Variants in CDIPT observed in about 807,000 individuals in gnomAD.
CDIPT encodes PI synthase.
A neutral mutation model predicts 21.6 loss-of-function variants in CDIPT; 17 were observed. The ratio of observed to expected loss-of-function variants is 0.79; its 90% CI spans 0.54 to 1.18. The LOEUF is 1.18. Ranked by LOEUF, CDIPT falls within the 50% of genes most tolerant of loss-of-function variation. CDIPT has a pLI of 0.00. For missense variants in CDIPT, 254 were observed against 284.9 expected (o/e 0.89, Z 0.78); for synonymous variants, 119 against 117.9 (o/e 1.01, Z -0.06).
intron 2 of CDIPT, among the ~76,000 whole-genome samples, chr16:29,861,963 A>C (rs960872427): frequency 4.2e-4 from 64 of 151,672 alleles, no homozygotes; most frequent in African/African-American, 1.4e-3. Context: ...GAACTCCTGA[A>C]CTCGTGATCC....
chr16:29,860,449 G>A (rs777971749), intron 4 of CDIPT, 132 bp downstream of exon 4: 62 of 643,802 alleles, frequency 9.6e-5, no homozygotes, highest in Non-Finnish European at 1.4e-4. Context: ...CTCAGCTTAC[G>A]GGCCCTCCTC....
chr16:29,861,995 T>G (rs2067687253), intron 2 of CDIPT, among the ~76,000 whole-genome samples: 1 of 152,110 alleles, frequency 6.6e-6, no homozygotes, highest in South Asian at 2.1e-4. Context: ...CCTCCCAAAG[T>G]GCTGGGATTA....
rs2067688948 is a variant in CDIPT, at chr16:29,862,195, G to A, written c.178+391C>T. The stretch of plus-strand genomic sequence containing the variant: ...GGCGCGGCACTTTGGGAGCAAGGCA[G>A]GAGGATCGCTTGAGGCTAGGAGCTG... On this transcript the variant is annotated intron_variant, in intron 2 of 5. Coordinates refer to ENST00000219789, the MANE Select transcript of CDIPT (RefSeq NM_006319.5). This position sits in a 1 kb window ranked among gnomAD's most constrained non-coding sequence, Gnocchi z 6.7. Among the ~76,000 whole-genome samples, 1 of 152,224 alleles carries A rather than the reference G, an allele frequency of 6.6e-6. No homozygotes were observed. The highest frequency in any genetic ancestry group is 1.5e-5 in the Non-Finnish European group (1 of 68,044).
chr16:29,860,086 G>A lies in CDIPT; in HGVS notation c.414+495C>T, dbSNP rs192486144. Among the ~76,000 whole-genome samples the A allele has an allele frequency of 1.7e-3, 255 of 152,222 alleles. 2 individuals carry two copies. The highest frequency in any genetic ancestry group is 3.1e-3 in the South Asian group (15 of 4,822). The stretch of plus-strand genomic sequence containing the variant: ...AGCCTCCTAAGTAGAGACTACAGGC[G>A]TGTACCACTGTGCCTGGCTAAGCTA... On this transcript the variant is annotated intron_variant, in intron 4 of 5. Coordinates refer to ENST00000219789, the MANE Select transcript of CDIPT (RefSeq NM_006319.5).
rs1196872855 is a variant in CDIPT at position 29,862,259 on chromosome 16, C to G, written c.178+327G>C. On this transcript the variant is annotated intron_variant, in intron 2 of 5. Transcript: ENST00000219789. This position sits in a 1 kb window ranked among gnomAD's most constrained non-coding sequence, Gnocchi z 6.7. ...GCGACACTGCAAGACCCAGTCTCTA[C>G]AAAAATTTAAAAATTAGCCGGGTGT... 2.0e-5 allele frequency among the ~76,000 whole-genome samples: 3 copies of G among 152,092 alleles called. No individual in the cohort carries two copies. Among genetic ancestry groups the G allele is most frequent in the Non-Finnish European group, 2.9e-5 (2 of 68,018 alleles).
rs576293728 is a variant in CDIPT at position 29,862,292 on chromosome 16, C to T, written c.178+294G>A. Among the ~76,000 whole-genome samples, 13 of 152,194 alleles carry T rather than the reference C, an allele frequency of 8.5e-5. No individual in the cohort carries two copies. The South Asian group carries it at 1.5e-3, about 17-fold the overall frequency. On this transcript the variant is annotated intron_variant, in intron 2 of 5. Coordinates refer to ENST00000219789, the MANE Select transcript of CDIPT (RefSeq NM_006319.5). This position sits in a 1 kb window ranked among gnomAD's most constrained non-coding sequence, Gnocchi z 6.7. ...TAAAAATTAGCCGGGTGTGGTGGCA[C>T]GCTCCTGTAGTCCCAGCTAGTCAGG...
intron 3 of CDIPT, 129 bp downstream of exon 3, chr16:29,860,977 C>G: frequency 2.3e-6 from 2 of 887,126 alleles, no homozygotes; most frequent in Non-Finnish European, 3.5e-6. Flanking sequence ...TGGGGTCTTT[C>G]TACAAAGCAG....
At position 29,861,156 on chromosome 16, in the gene CDIPT, G is replaced by A. The variant is rs771918862; in HGVS notation, c.282C>T (p.Phe94=). The part of the protein sequence containing the change: ...ALLYPGATLF[F]QISMSLDVAS... ...CCACATCCAAACTCATGCTGATTTG[G>A]AAGAACAGCGTGGCTCCAGGGTACA... The change falls in exon 3 of 6, where the codon TTC becomes TTT. Residue 94 remains phenylalanine (F), a synonymous_variant. Coordinates refer to ENST00000219789, the MANE Select transcript of CDIPT (RefSeq NM_006319.5). The A allele has an allele frequency of 6.2e-7, 1 of 1,614,058 alleles. No homozygotes were observed. Among genetic ancestry groups the A allele is most frequent in the African/African-American group, 1.3e-5 (1 of 74,914 alleles).
Position 29,861,201 on chromosome 16 carries a change from C to A in CDIPT, c.237G>T (p.Leu79=), listed in dbSNP as rs1402020541. 6.2e-7 allele frequency: 1 copy of A among 1,614,210 alleles called. No homozygotes were observed. Among genetic ancestry groups the A allele is most frequent in the South Asian group, 1.1e-5 (1 of 91,086 alleles). ...GGTACAGCAGGGCCAGGTTGACCAA[C>A]AGGCACATGGTGGAGCAGCGGTCCG... ...MLTDRCSTMC[L]LVNLALLYPG... is the part of the protein sequence containing the mutation. Residue 79 remains leucine (L), a synonymous_variant, in exon 3 of 6, where the codon CTG becomes CTT. Coordinates refer to ENST00000219789, the MANE Select transcript of CDIPT (RefSeq NM_006319.5).
In CDIPT at chr16:29,859,671, G is replaced by C. The variant is rs2067664257; in HGVS notation, c.415-148C>G. On this transcript the variant is annotated intron_variant, in intron 4 of 5. Transcript: ENST00000219789. This position sits in a 1 kb window ranked among gnomAD's most constrained non-coding sequence, Gnocchi z 4.5. ...AGACAGGGTCTCGCTCTCTCATCCA[G>C]GTTGGAATGCAGTAGTATGATCATA... 3.1e-6 allele frequency: 2 copies of C among 645,744 alleles called. No individual in the cohort carries two copies. Among genetic ancestry groups the C allele is most frequent in the Non-Finnish European group, 5.6e-6 (2 of 357,288 alleles). The allele number at this position is 645,744 out of a possible 1,614,324, so 40.0% of individuals were successfully genotyped here.
rs1483857513 is a variant in CDIPT, at chr16:29,863,017, G to T, written c.-160C>A. The T allele has an allele frequency of 4.7e-6, 4 of 848,924 alleles. No individual in the cohort carries two copies. The Admixed American group carries it at 6.0e-5, about 13-fold the overall frequency. 52.6% of individuals were successfully genotyped at this position (848,924 alleles called of 1,614,324 possible). A position where few individuals can be genotyped will look rare whatever the true frequency, so the allele number is the denominator to read the frequency against. ...GCCCCAGATGCTGAAGCCCGCAGCC[G>T]TCGGGAGCATGGACCGGCCCCGAGG... is the stretch of plus-strand genomic sequence containing the variant. On this transcript the variant is annotated 5_prime_UTR_variant, in exon 1 of 6. Coordinates refer to ENST00000219789, the MANE Select transcript of CDIPT (RefSeq NM_006319.5).
chr16:29,860,987 G>A (rs2067675660), intron 3 of CDIPT, 119 bp downstream of exon 3: 3 of 965,748 alleles, frequency 3.1e-6, no homozygotes, highest in Non-Finnish European at 4.8e-6. Flanking sequence ...CTACAAAGCA[G>A]AGCTAAAAAG....
At chr16:29,861,391 GCTAGAA>G (rs1307611100) in intron 2 of CDIPT, 132 bp from the exon 3 acceptor site, 1 of 1,548,808 alleles carries the variant, frequency 6.5e-7, no homozygotes, top group Non-Finnish European at 8.7e-7. Flanking sequence ...AGGAACGCAG[GCTAGAA>G]AACAGGCTGT....
chr16:29,861,008 A>C (rs1156279302), intron 3 of CDIPT, 98 bp downstream of exon 3: 2 of 1,228,644 alleles, frequency 1.6e-6, no homozygotes, highest in African/African-American at 1.5e-5. Flanking sequence ...GAGCCCTTCC[A>C]GGATGCCTAG....
At position 29,861,101 on chromosome 16, in the gene CDIPT, C is replaced by G. The variant is rs895749222; in HGVS notation, c.332+5G>C. 15 of 1,613,964 alleles carry G rather than the reference C, an allele frequency of 9.3e-6. No individual in the cohort carries two copies. Among genetic ancestry groups the G allele is most frequent in the Non-Finnish European group, 1.2e-5 (14 of 1,180,020 alleles). ...GTGGCCCAGGCCCCCAGAATCGCAG[C>G]AGACCTGTGGAGGTGCAGCCAGTGA... On this transcript the variant is annotated splice_donor_5th_base_variant and intron_variant, in intron 3 of 5. Coordinates refer to ENST00000219789, the MANE Select transcript of CDIPT (RefSeq NM_006319.5).
rs1413049629 is a variant in CDIPT, at chr16:29,858,814, G to C, written c.*375C>G. 4.5e-6 allele frequency: 1 copy of C among 220,660 alleles called. No individual in the cohort carries two copies. Among genetic ancestry groups the C allele is most frequent in the Admixed American group, 5.2e-5 (1 of 19,378 alleles). 13.7% of individuals were successfully genotyped at this position (220,660 alleles called of 1,614,324 possible). On this transcript the variant is annotated 3_prime_UTR_variant, in exon 6 of 6. Transcript: ENST00000219789. ...CTCCTGGGCATGGTGCCCCAAGCTT[G>C]CTCTGGCTGGGGGCGGAGGTCTGAC...
At chr16:29,861,670 A>G (rs978297758) in intron 2 of CDIPT, 11 of 624,748 alleles carry the variant, frequency 1.8e-5, no homozygotes, top group African/African-American at 3.7e-5. Flanking sequence ...TGGAACCCCA[A>G]CTGCTTATGC....
Position 29,859,045 on chromosome 16 carries a change from A to G in CDIPT, c.*144T>C, listed in dbSNP as rs1567401088. 1.1e-6 allele frequency: 1 copy of G among 903,528 alleles called. No individual in the cohort carries two copies. Among genetic ancestry groups the G allele is most frequent in the Non-Finnish European group, 1.6e-6 (1 of 609,284 alleles). 56.0% of individuals were successfully genotyped at this position (903,528 alleles called of 1,614,324 possible). A position where few individuals can be genotyped will look rare whatever the true frequency, so the allele number is the denominator to read the frequency against. On this transcript the variant is annotated 3_prime_UTR_variant, in exon 6 of 6. Transcript: ENST00000219789. This position sits in a 1 kb window ranked among gnomAD's most constrained non-coding sequence, Gnocchi z 4.5. ...GGATCCCAGAGAACGTGACGTCACC[A>G]AAGAGAGGCTGACCCCCATCCCAGC...
chr16:29,861,015 C>T (rs1407686193), intron 3 of CDIPT, 91 bp downstream of exon 3: 1 of 1,340,798 alleles, frequency 7.5e-7, no homozygotes, highest in African/African-American at 1.4e-5. Context: ...TCCAGGATGC[C>T]TAGTGCCATC....
Sources: gnomAD v4.1 joint callset for allele counts (sites outside exome capture counted in the v4.1 genomes callset) on GRCh38, gnomAD v4.1.1 for gene constraint, Gnocchi (gnomAD v3.1) non-coding constraint, MANE v1.5 for transcripts, NCBI Gene and HGNC (gene_info 2026-07-23, HGNC 2026-07-21) for gene names.